Variants in FNDC3B observed in about 807,000 individuals in gnomAD.
FNDC3B encodes the protein fibronectin type III domain-containing protein 3B.
A neutral mutation model predicts 151.5 loss-of-function variants in FNDC3B; 12 were observed. That is an observed-to-expected ratio of 0.08 (90% CI 0.05 to 0.13). FNDC3B has a LOEUF of 0.13. FNDC3B is among the 10% of genes least tolerant of loss of function. The pLI, the probability that FNDC3B is intolerant of heterozygous loss-of-function variation, is 1.00. For missense variants in FNDC3B, 1,214 were observed against 1,505.3 expected, an observed-to-expected ratio of 0.81 and a Z score of 3.20; for synonymous variants, 528 against 549.0, an observed-to-expected ratio of 0.96 and a Z score of 0.54.
intron 1 of FNDC3B, among the ~76,000 whole-genome samples, chr3:172,069,348 TC>T (rs934642264): frequency 6.6e-6 from 1 of 152,250 alleles, no homozygotes; most frequent in African/African-American, 2.4e-5. Flanking sequence ...CATTTTATTT[TC>T]CTAAGCAAAA....
At chr3:172,126,443 C>CT (rs1720814145) in intron 2 of FNDC3B, among the ~76,000 whole-genome samples, 1 of 152,206 alleles carries the variant, frequency 6.6e-6, no homozygotes, top group Non-Finnish European at 1.5e-5. Flanking sequence ...GACCAAGAAT[C>CT]TAAGTGTGCC....
At chr3:172,234,126 T>C (rs77936099) in intron 4 of FNDC3B, among the ~76,000 whole-genome samples, 104 of 152,294 alleles carry the variant, frequency 6.8e-4, no homozygotes, top group African/African-American at 2.5e-3. Flanking sequence ...TTTCCTTTGT[T>C]TCTGTGATCC....
chr3:172,300,455 G>T (rs1428515509), intron 9 of FNDC3B, among the ~76,000 whole-genome samples: 2 of 124,386 alleles, frequency 1.6e-5, no homozygotes, highest in African/African-American at 7.1e-5. Context: ...CCTGTCTGTT[G>T]TTCCATTTAT....
rs561748188 is a variant in FNDC3B, at chr3:172,229,354, A to G, written c.264+2407A>G. 5.3e-5 allele frequency among the ~76,000 whole-genome samples: 8 copies of G among 152,228 alleles called. No individual in the cohort carries two copies. In the East Asian group the frequency reaches 9.7e-4, roughly 18 times the overall value. On this transcript the variant is annotated intron_variant, in intron 4 of 25. Coordinates refer to ENST00000415807, the MANE Select transcript of FNDC3B (RefSeq NM_022763.4). ...CAACCCTGCTTACCTCTCAAGAGGC[A>G]CCTTTACCTGTCACCCCACAGTCTA...
intron 2 of FNDC3B, among the ~76,000 whole-genome samples, chr3:172,126,519 C>A (rs190385769): frequency 2.0e-5 from 3 of 152,302 alleles, no homozygotes; most frequent in African/African-American, 7.2e-5. Context: ...ATCTTAAAAG[C>A]ATTACATTTT....
chr3:172,042,036 T>C (rs1045156865), intron 1 of FNDC3B, among the ~76,000 whole-genome samples: 24 of 152,162 alleles, frequency 1.6e-4, no homozygotes, highest in African/African-American at 5.8e-4. Flanking sequence ...GTTTTTAAAC[T>C]CACACGTGCT....
chr3:172,351,636 A>G (rs1733858623), intron 21 of FNDC3B, among the ~76,000 whole-genome samples: 1 of 152,218 alleles, frequency 6.6e-6, no homozygotes, highest in African/African-American at 2.4e-5. Context: ...AATTTAGACT[A>G]TTGGGCAAGG....
intron 3 of FNDC3B, among the ~76,000 whole-genome samples, chr3:172,171,284 T>C (rs1181431480): frequency 6.6e-6 from 1 of 151,768 alleles, no homozygotes; most frequent in East Asian, 1.9e-4. Flanking sequence ...CAAAAGCATG[T>C]ATTTATCTTC....
chr3:172,355,525 G>C (rs199732266), intron 22 of FNDC3B, among the ~76,000 whole-genome samples: 1 of 150,354 alleles, frequency 6.7e-6, no homozygotes, highest in Admixed American at 6.6e-5. Flanking sequence ...TAGGGGGGGG[G>C]CCTAGCACTT....
In FNDC3B at chr3:172,330,460, T is replaced by A. The variant is rs1156408058; in HGVS notation, c.1380-81T>A. ...ACCTGCTAGGCTGAGTTGGGTAGTG[T>A]GCAGGCTGAGCCTTCCTCTTTTAAA... On this transcript the variant is annotated intron_variant, in intron 12 of 25. Coordinates refer to ENST00000415807, the MANE Select transcript of FNDC3B (RefSeq NM_022763.4). The A allele has an allele frequency of 9.4e-6, 12 of 1,277,262 alleles. No homozygotes were observed. In the Admixed American group the frequency reaches 2.4e-4, roughly 25 times the overall value. 79.1% of individuals were successfully genotyped at this position (1,277,262 alleles called of 1,614,324 possible). A position where few individuals can be genotyped will look rare whatever the true frequency, so the allele number is the denominator to read the frequency against.
chr3:172,065,150 G>C (rs1396047986), intron 1 of FNDC3B, among the ~76,000 whole-genome samples: 1 of 152,114 alleles, frequency 6.6e-6, no homozygotes, highest in African/African-American at 2.4e-5. Flanking sequence ...TGACCAACAT[G>C]GTGAAACCCC....
At chr3:172,116,575 T>G (rs941472308) in intron 2 of FNDC3B, among the ~76,000 whole-genome samples, 11 of 151,776 alleles carry the variant, frequency 7.2e-5, no homozygotes, top group Non-Finnish European at 1.3e-4. Context: ...ACATCTTTGT[T>G]TTTTTTTTGA....
intron 3 of FNDC3B, among the ~76,000 whole-genome samples, chr3:172,155,216 T>A (rs1722423848): frequency 6.6e-6 from 1 of 152,096 alleles, no homozygotes; most frequent in Non-Finnish European, 1.5e-5. Flanking sequence ...TAGTGGAAAA[T>A]CTTTCTCAGT....
chr3:172,254,794 G>A (rs1004738796), intron 6 of FNDC3B, among the ~76,000 whole-genome samples: 1 of 152,120 alleles, frequency 6.6e-6, no homozygotes, highest in Admixed American at 6.5e-5. Context: ...TGGAGCTAAT[G>A]GTGTGATGTG....
intron 10 of FNDC3B, among the ~76,000 whole-genome samples, chr3:172,308,958 C>A (rs1731330168): frequency 6.6e-6 from 1 of 151,946 alleles, no homozygotes; most frequent in Non-Finnish European, 1.5e-5. Flanking sequence ...GTCTTATAAA[C>A]CTAAAGTTGG....
intron 23 of FNDC3B, among the ~76,000 whole-genome samples, chr3:172,376,861 AAAAAGAAAG>A (rs746604606): frequency 6.0e-5 from 9 of 149,794 alleles, no homozygotes; most frequent in Non-Finnish European, 1.2e-4. Context: ...AAAAAAAAAA[AAAAAGAAAG>A]AAAAGAAAAG....
intron 2 of FNDC3B, among the ~76,000 whole-genome samples, chr3:172,127,877 C>CT (rs1308970722): frequency 6.6e-6 from 1 of 152,110 alleles, no homozygotes; most frequent in Non-Finnish European, 1.5e-5. Flanking sequence ...AGGCTGGTCT[C>CT]TAACTCCTGA....
intron 1 of FNDC3B, among the ~76,000 whole-genome samples, chr3:172,049,824 G>A (rs1264382510): frequency 6.6e-6 from 1 of 152,182 alleles, no homozygotes; most frequent in East Asian, 1.9e-4. Flanking sequence ...ACCGTGCCTG[G>A]CCTAACCTTT....
chr3:172,332,952 T>C, intron 13 of FNDC3B, 137 bp from the exon 14 acceptor site: 1 of 723,822 alleles, frequency 1.4e-6, no homozygotes, highest in Non-Finnish European at 2.5e-6. Context: ...CTGATTTTTC[T>C]CTTTTGCGGT....
Sources: allele counts gnomAD v4.1 joint callset (sites outside exome capture counted in the v4.1 genomes callset), GRCh38; gene constraint gnomAD v4.1.1; transcripts MANE v1.5; gene names NCBI Gene and HGNC (gene_info 2026-07-23, HGNC 2026-07-21).